Variants in RSRP1 observed in about 807,000 individuals in gnomAD.
The protein encoded by RSRP1 is arginine and serine rich protein 1, also known as arginine/serine-rich protein 1.
In RSRP1, 37 loss-of-function variants were observed where a neutral mutation model predicts 33.0. The ratio of observed to expected loss-of-function variants is 1.12; its 90% confidence interval spans 0.86 to 1.48. The LOEUF (loss-of-function observed/expected upper bound fraction) is 1.48. Ranked by LOEUF, RSRP1 falls within the 40% of genes most tolerant of loss-of-function variation. The pLI is 0.00. For missense variants in RSRP1, 402 were observed against 385.3 expected (o/e 1.04, Z -0.36); for synonymous variants, 167 against 158.7 (o/e 1.05, Z -0.40).
rs1247374928 is a variant in RSRP1, at chr1:25,273,197, A to G, written c.-66-26168T>C. 4.7e-5 allele frequency among the ~76,000 whole-genome samples: 6 copies of G among 128,924 alleles called. 1 individual carries two copies. The highest frequency in any genetic ancestry group is 9.2e-5 in the Non-Finnish European group (5 of 54,612). 84.6% of individuals were successfully genotyped at this position (128,924 alleles called of 152,430 possible). ...GTTGCCCAGGCTGAAGTGCAGTGGC[A>G]TGATCATGGTTCACTGCAGCCTTGA... is the stretch of plus-strand genomic sequence containing the variant. On this transcript the variant is annotated intron_variant, in intron 1 of 1. Coordinates refer to the RSRP1 transcript ENST00000561867.
At chr1:25,304,458 C>T (rs1159304889) in intron 1 of RSRP1, 1 of 130,058 alleles carries the variant, frequency 7.7e-6, no homozygotes, top group African/African-American at 2.7e-5. Context: ...ATTAGCCAGG[C>T]ATGGTGGCGG....
At chr1:25,338,225 G>C (rs1645118386), upstream of RSRP1, 1 of 152,208 alleles carries the variant, frequency 6.6e-6, no homozygotes, top group Admixed American at 6.5e-5. Context: ...CCTGAACCCA[G>C]CGCCCGGGCA....
rs1346143395 is a variant in RSRP1 at position 25,281,178 on chromosome 1, G to C, written c.-66-34149C>G. ...GCAAGGACATAGTTCCAGGCATTCAGAGCTGGGCTCTGCTGCCGGCATGTT... is the reference window on the plus strand; with the variant it reads ...GCAAGGACATAGTTCCAGGCATTCACAGCTGGGCTCTGCTGCCGGCATGTT... On this transcript the variant is annotated intron_variant, in intron 1 of 1. Transcript: ENST00000561867. Among the ~76,000 whole-genome samples, 4 of 132,408 alleles carry C rather than the reference G, an allele frequency of 3.0e-5. 1 individual carries two copies. The East Asian group carries it at 7.8e-4, about 26-fold the overall frequency. 86.9% of individuals were successfully genotyped at this position (132,408 alleles called of 152,430 possible).
At chr1:25,258,901 A>G (rs1210867612) in intron 1 of RSRP1, among the ~76,000 whole-genome samples, 4 of 152,298 alleles carry the variant, frequency 2.6e-5, no homozygotes, top group African/African-American at 7.2e-5. Context: ...TCGCGCAGGC[A>G]CTGGAGTCAG....
intron 2 of RSRP1, 106 bp downstream of exon 2, chr1:25,246,338 A>G: frequency 8.7e-6 from 13 of 1,499,630 alleles, no homozygotes; most frequent in Non-Finnish European, 9.9e-6. Context: ...GATTTCGGGC[A>G]CTAAAGGAAC....
At chr1:25,335,008 A>C (rs972324427) in intron 1 of RSRP1, among the ~76,000 whole-genome samples, 1 of 115,024 alleles carries the variant, frequency 8.7e-6, no homozygotes, top group East Asian at 2.0e-4. Flanking sequence ...GGCTCCTGTT[A>C]CTCATGCAAA....
rs1639076062 is a variant in RSRP1, at chr1:25,243,582, T to C, written c.724A>G (p.Thr242Ala). The C allele has an allele frequency of 1.9e-6, 3 of 1,613,784 alleles. No individual in the cohort carries two copies. The highest frequency in any genetic ancestry group is 2.7e-5 in the African/African-American group (2 of 74,926). ...CTAAAAGCTATGCTTCTTTGCTGGG[T>C]AGGTTTTTCATTGGGATTTCGAGTT... ...DGTRNPNEKP[T>A]QQRSIAFSSN... The change falls in exon 4 of 5, where the codon ACC (threonine) becomes GCC (alanine). Residue 242 changes from threonine to alanine, a missense_variant. Physicochemically the swap from Thr to Ala is moderately conservative, Grantham distance 58 (BLOSUM62 0). Coordinates refer to ENST00000243189, the MANE Select transcript of RSRP1 (RefSeq NM_020317.5).
Position 25,246,626 on chromosome 1 carries a change from GACCGGT to G in RSRP1, c.332_337del (p.Tyr111_Arg112del), listed in dbSNP as rs1382527364. ...AGAGCGCGACCTGCTACGGGACCGG[GACCGGT>G]ACCGCGAAGGAGACCGGTAGTATCT... On this transcript the variant is annotated inframe_deletion, in exon 2 of 5. Transcript: ENST00000243189. 3 of 1,614,084 alleles carry G rather than the reference GACCGGT, an allele frequency of 1.9e-6. No homozygotes were observed. Among genetic ancestry groups the G allele is most frequent in the Admixed American group, 1.7e-5 (1 of 60,028 alleles).
At chr1:25,315,968 CT>C (rs1644417529) in intron 1 of RSRP1, among the ~76,000 whole-genome samples, 1 of 131,674 alleles carries the variant, frequency 7.6e-6, no homozygotes, top group East Asian at 2.0e-4. Flanking sequence ...AGGCTGCAGG[CT>C]TGGAGCTTTG....
intron 1 of RSRP1, among the ~76,000 whole-genome samples, chr1:25,279,539 A>G (rs551266578): frequency 7.8e-6 from 1 of 127,734 alleles, no homozygotes; most frequent in East Asian, 2.0e-4. Flanking sequence ...TGTGACTTGG[A>G]CTAGTTATAG....
chr1:25,311,249 G>C (rs1234111478), intron 1 of RSRP1, among the ~76,000 whole-genome samples: 2 of 132,346 alleles, frequency 1.5e-5, no homozygotes, highest in East Asian at 3.9e-4. Flanking sequence ...TTCTGTGCCA[G>C]AGTCATTTAT....
intron 2 of RSRP1, 81 bp from the exon 3 acceptor site, chr1:25,245,382 A>G (rs1178447336): frequency 6.9e-7 from 1 of 1,457,212 alleles, no homozygotes; most frequent in Non-Finnish European, 9.2e-7. Context: ...TACACAATAA[A>G]TATGTTATTT....
In RSRP1 at chr1:25,268,922, T is replaced by G. The variant is rs1640410431; in HGVS notation, c.-66-21893A>C. The stretch of plus-strand genomic sequence containing the variant: ...GAGATTGTGCCATTGCAGTCCAGCC[T>G]AGGCAACAAGAGCAAAACTTCATCT... On this transcript the variant is annotated intron_variant, in intron 1 of 1. Coordinates refer to the RSRP1 transcript ENST00000561867. Among the ~76,000 whole-genome samples the G allele has an allele frequency of 1.8e-5, 2 of 113,272 alleles. 1 individual carries two copies. The allele number at this position is 113,272 out of a possible 152,430, so 74.3% of individuals were successfully genotyped here.
intron 1 of RSRP1, among the ~76,000 whole-genome samples, chr1:25,298,274 C>G (rs1208729767): frequency 1.8e-5 from 2 of 112,800 alleles, no homozygotes; most frequent in African/African-American, 2.8e-5. Flanking sequence ...CCCTGTGAGC[C>G]CGAACCTCTT....
intron 1 of RSRP1, among the ~76,000 whole-genome samples, chr1:25,320,234 G>C (rs184375810): frequency 7.6e-6 from 1 of 131,682 alleles, no homozygotes; most frequent in African/African-American, 2.6e-5. Context: ...AACACAAAAC[G>C]CTTGGGCTGC....
At position 25,270,568 on chromosome 1, in the gene RSRP1, C is replaced by A. The variant is rs1190755783; in HGVS notation, c.-66-23539G>T. Among the ~76,000 whole-genome samples, 2 of 131,986 alleles carry A rather than the reference C, an allele frequency of 1.5e-5. 1 individual carries two copies. Among genetic ancestry groups the A allele is most frequent in the Non-Finnish European group, 3.6e-5 (2 of 55,676 alleles). 86.6% of individuals were successfully genotyped at this position (131,986 alleles called of 152,430 possible). On this transcript the variant is annotated intron_variant, in intron 1 of 1. Transcript: ENST00000561867. ...CCAAACCATCCCTCCAACCTCACCCCGGTCCATGGAAAAATTGTCTTTTAC... is the reference window on the plus strand; with the variant it reads ...CCAAACCATCCCTCCAACCTCACCCAGGTCCATGGAAAAATTGTCTTTTAC...
At chr1:25,247,085 C>A (rs1639508143) in intron 1 of RSRP1, 56 bp from the exon 2 acceptor site, 3 of 1,105,696 alleles carry the variant, frequency 2.7e-6, no homozygotes, top group Non-Finnish European at 3.7e-6. Context: ...CGCCTGGCCA[C>A]CCGGAAGCCA....
At chr1:25,258,825 A>C (rs183041838) in intron 1 of RSRP1, among the ~76,000 whole-genome samples, 8 of 152,348 alleles carry the variant, frequency 5.3e-5, no homozygotes, top group Admixed American at 5.2e-4. Context: ...CTCTTATAAG[A>C]AGTTTGGCAT....
chr1:25,276,543 A>AAAAAAAAAAAAAAAC, intron 1 of RSRP1, among the ~76,000 whole-genome samples: 1 of 124,238 alleles, frequency 8.0e-6, no homozygotes, highest in Admixed American at 7.9e-5. Flanking sequence ...AAAAAAAAAA[A>AAAAAAAAAAAAAAAC]AAAAAAAAAA....
Sources: gnomAD v4.1 joint callset for allele counts (sites outside exome capture counted in the v4.1 genomes callset) on GRCh38, gnomAD v4.1.1 for gene constraint, MANE v1.5 for transcripts, NCBI Gene and HGNC (gene_info 2026-07-23, HGNC 2026-07-21) for gene names.